EDN1: variants seen among roughly 807,000 people sequenced by gnomAD.
The protein encoded by EDN1 is endothelin-1.
Under a neutral mutation model 21.7 loss-of-function variants are expected in EDN1, and 11 were observed. The ratio of observed to expected loss-of-function variants is 0.51; its 90% CI spans 0.32 to 0.84. The LOEUF (loss-of-function observed/expected upper bound fraction) is 0.84. Among genes scored for constraint, EDN1 ranks in the 40% least tolerant of loss-of-function variants. EDN1 has a pLI of 0.03. For missense variants in EDN1, 244 were observed against 262.3 expected, an observed-to-expected ratio of 0.93 and a Z score of 0.48; for synonymous variants, 85 against 90.6, an observed-to-expected ratio of 0.94 and a Z score of 0.35.
At chr6:12,250,350 A>C in the EDN1 span, among the ~76,000 whole-genome samples, 1 of 152,124 alleles carries the variant, frequency 6.6e-6, no homozygotes, top group Admixed American at 6.6e-5. Context: ...TAAATTCTTT[A>C]TCTTTCACTG....
the EDN1 span, among the ~76,000 whole-genome samples, chr6:12,257,080 G>A: frequency 2.6e-5 from 4 of 152,174 alleles, no homozygotes; most frequent in African/African-American, 9.7e-5. Context: ...CACATTTGAT[G>A]TTGCTAATCT....
chr6:12,239,735 C>T, the EDN1 span, among the ~76,000 whole-genome samples: 4 of 152,010 alleles, frequency 2.6e-5, no homozygotes, highest in Middle Eastern at 3.4e-3. Context: ...ATAGGGAGAC[C>T]TGGTCTCTAC....
chr6:12,248,252 G>C, the EDN1 span, among the ~76,000 whole-genome samples: 1 of 152,182 alleles, frequency 6.6e-6, no homozygotes, highest in African/African-American at 2.4e-5. Flanking sequence ...GAAGGAGGCT[G>C]TCTGCAAGCC....
the EDN1 span, among the ~76,000 whole-genome samples, chr6:12,242,145 C>T: frequency 6.6e-6 from 1 of 152,204 alleles, no homozygotes; most frequent in Non-Finnish European, 1.5e-5. Context: ...CCTGGGAATT[C>T]CTTGACCATC....
the EDN1 span, among the ~76,000 whole-genome samples, chr6:12,263,397 A>G: frequency 1.3e-5 from 2 of 152,330 alleles, no homozygotes; most frequent in African/African-American, 4.8e-5. Flanking sequence ...TGGGTGTACA[A>G]ATGCAAATTT....
upstream of EDN1, among the ~76,000 whole-genome samples, chr6:12,286,842 G>A (rs890645983): frequency 1.3e-5 from 2 of 152,190 alleles, no homozygotes; most frequent in Non-Finnish European, 2.9e-5. Context: ...GGCCAGGAGT[G>A]GTGGCTCACG....
At chr6:12,268,415 C>T in the EDN1 span, among the ~76,000 whole-genome samples, 1 of 151,948 alleles carries the variant, frequency 6.6e-6, no homozygotes, top group Non-Finnish European at 1.5e-5. Flanking sequence ...AAATGTTTTC[C>T]CTATGTTTTC....
the EDN1 span, among the ~76,000 whole-genome samples, chr6:12,252,818 T>C: frequency 6.6e-6 from 1 of 152,018 alleles, no homozygotes; most frequent in Admixed American, 6.5e-5. Context: ...TATACAAAGA[T>C]GAATAAATTT....
At chr6:12,242,616 G>A in the EDN1 span, among the ~76,000 whole-genome samples, 6 of 152,190 alleles carry the variant, frequency 3.9e-5, no homozygotes, top group Admixed American at 3.9e-4. Context: ...AGGGGAGATA[G>A]TGAGGTGCTA....
chr6:12,239,423 C>T, the EDN1 span, among the ~76,000 whole-genome samples: 3 of 152,252 alleles, frequency 2.0e-5, no homozygotes, highest in East Asian at 1.9e-4. Flanking sequence ...CCAGCAGATA[C>T]GGCCAAGTGA....
chr6:12,293,142 C>T (rs763454812), intron 2 of EDN1, among the ~76,000 whole-genome samples: 2 of 152,128 alleles, frequency 1.3e-5, no homozygotes, highest in African/African-American at 2.4e-5. Flanking sequence ...CTCCTTCTGC[C>T]CTGGACACTA....
At chr6:12,258,126 G>C in the EDN1 span, among the ~76,000 whole-genome samples, 1 of 151,938 alleles carries the variant, frequency 6.6e-6, no homozygotes, top group Non-Finnish European at 1.5e-5. Context: ...ATTGCAAGCG[G>C]AGGTGCAGAG....
the EDN1 span, among the ~76,000 whole-genome samples, chr6:12,270,867 G>C: frequency 2.0e-5 from 3 of 152,342 alleles, no homozygotes; most frequent in South Asian, 6.2e-4. Context: ...GCTGAAAGCA[G>C]GGTGTTGAAG....
chr6:12,232,772 C>G, the EDN1 span, among the ~76,000 whole-genome samples: 1 of 152,172 alleles, frequency 6.6e-6, no homozygotes, highest in South Asian at 2.1e-4. Context: ...TGAACGGTAG[C>G]TGTTGTGATT....
At chr6:12,277,467 G>A in the EDN1 span, among the ~76,000 whole-genome samples, 1 of 152,216 alleles carries the variant, frequency 6.6e-6, no homozygotes, top group African/African-American at 2.4e-5. Context: ...TGCACATGAG[G>A]AAATGGAAAC....
the EDN1 span, among the ~76,000 whole-genome samples, chr6:12,275,230 G>A: frequency 6.6e-6 from 1 of 152,186 alleles, no homozygotes; most frequent in East Asian, 1.9e-4. Context: ...GCCGCTTGGG[G>A]CTCTTCCCTC....
the EDN1 span, among the ~76,000 whole-genome samples, chr6:12,238,820 G>T: frequency 5.5e-4 from 83 of 152,148 alleles, no homozygotes; most frequent in African/African-American, 1.9e-3. Flanking sequence ...TTGACCAAAG[G>T]CATCCCAATT....
At chr6:12,292,066 G>A (rs1421332422) in intron 1 of EDN1, among the ~76,000 whole-genome samples, 1 of 152,214 alleles carries the variant, frequency 6.6e-6, no homozygotes, top group Non-Finnish European at 1.5e-5. Context: ...TTCAAGAGGG[G>A]TGGGGGAAGT....
chr6:12,241,417 C>T, the EDN1 span, among the ~76,000 whole-genome samples: 46 of 151,802 alleles, frequency 3.0e-4, no homozygotes, highest in African/African-American at 9.7e-4. Context: ...GTGATCTGCC[C>T]GCCTCAGCCT....
Sources: allele counts gnomAD v4.1 joint callset (sites outside exome capture counted in the v4.1 genomes callset), GRCh38; gene constraint gnomAD v4.1.1; transcripts MANE v1.5; gene names NCBI Gene and HGNC (gene_info 2026-07-23, HGNC 2026-07-21).